FAM118A: variants seen among roughly 807,000 people sequenced by gnomAD.
The protein encoded by FAM118A is protein FAM118A.
A neutral mutation model predicts 38.2 loss-of-function variants in FAM118A; 25 were observed. That is an observed-to-expected ratio of 0.65 (90% CI 0.48 to 0.91). The LOEUF (loss-of-function observed/expected upper bound fraction) is 0.91. FAM118A is among the 40% of genes least tolerant of loss of function. The pLI is 0.00. For missense variants in FAM118A, 425 were observed against 463.3 expected (o/e 0.92, Z 0.76); for synonymous variants, 178 against 184.1 (o/e 0.97, Z 0.27).
At chr22:45,324,828 C>T (rs181514099) in intron 3 of FAM118A, among the ~76,000 whole-genome samples, 1 of 152,282 alleles carries the variant, frequency 6.6e-6, no homozygotes, top group Non-Finnish European at 1.5e-5. Flanking sequence ...AGGCAGATCA[C>T]CTGAGGTCAG....
At chr22:45,335,320 C>A in intron 6 of FAM118A, 30 bp from the exon 7 acceptor site, 1 of 1,614,046 alleles carries the variant, frequency 6.2e-7, no homozygotes. Flanking sequence ...GGTGTCTCGG[C>A]TCCACTGACT....
chr22:45,337,898 G>A, intron 8 of FAM118A: 1 of 985,402 alleles, frequency 1.0e-6, no homozygotes. Context: ...GATTCCCCCG[G>A]ACTCCACTGT....
intron 1 of FAM118A, among the ~76,000 whole-genome samples, chr22:45,313,578 C>T (rs1216143127): frequency 6.6e-6 from 1 of 152,162 alleles, no homozygotes; most frequent in Admixed American, 6.5e-5. Context: ...TCGCCTCGGC[C>T]TCCCAAAGTG....
chr22:45,327,411 A>G (rs1601938410), intron 3 of FAM118A, among the ~76,000 whole-genome samples: 2 of 150,368 alleles, frequency 1.3e-5, no homozygotes, highest in Non-Finnish European at 3.0e-5. Context: ...TCTGCTGCCG[A>G]CTCTTCCCCT....
chr22:45,313,941 C>T (rs1262062689), intron 1 of FAM118A, among the ~76,000 whole-genome samples: 1 of 152,136 alleles, frequency 6.6e-6, no homozygotes, highest in Non-Finnish European at 1.5e-5. Flanking sequence ...GCACACTGTT[C>T]CAGGCTTTGT....
chr22:45,310,895 CCTT>C (rs1187840256), intron 1 of FAM118A, among the ~76,000 whole-genome samples: 2 of 152,138 alleles, frequency 1.3e-5, no homozygotes, highest in African/African-American at 4.8e-5. Flanking sequence ...GTTGTCTCCT[CCTT>C]AATTTTTTCA....
At chr22:45,336,257 C>T in intron 7 of FAM118A, 71 bp from the exon 8 acceptor site, 2 of 1,254,754 alleles carry the variant, frequency 1.6e-6, no homozygotes, top group Admixed American at 1.9e-5. Context: ...TCAGTAAGGT[C>T]ACATTATGAA....
chr22:45,323,065 G>A (rs2084990863), intron 2 of FAM118A, 110 bp from the exon 3 acceptor site: 5 of 1,112,256 alleles, frequency 4.5e-6, no homozygotes, highest in Non-Finnish European at 6.6e-6. Context: ...GTGTGTGTGT[G>A]TGTGTGTGTG....
Position 45,330,648 on chromosome 22 carries a change from A to C in FAM118A, c.568A>C (p.Ile190Leu). Residue 190 changes from isoleucine to leucine, a missense_variant, in exon 5 of 9, where the codon ATT becomes CTT. Ile to Leu is a conservative substitution (Grantham distance 5). Coordinates refer to ENST00000441876, the MANE Select transcript of FAM118A (RefSeq NM_017911.4). ...RGHMKYGVLH[I>L]HGLYTDPCGV... ...GCACATGAAGTACGGCGTCCTCCAC[A>C]TTCACGGCCTCTACACGGACCCCTG... The C allele has an allele frequency of 6.3e-7, 1 of 1,598,902 alleles. No homozygotes were observed. The highest frequency in any genetic ancestry group is 1.1e-5 in the South Asian group (1 of 88,814).
At chr22:45,322,347 C>G in intron 1 of FAM118A, 24 bp from the exon 2 acceptor site, 1 of 1,604,896 alleles carries the variant, frequency 6.2e-7, no homozygotes, top group Non-Finnish European at 8.5e-7. Context: ...ACAGAAGTCA[C>G]TTCTGACTAA....
chr22:45,335,190 T>C, intron 6 of FAM118A, 160 bp from the exon 7 acceptor site: 1 of 684,490 alleles, frequency 1.5e-6, no homozygotes, highest in Non-Finnish European at 2.5e-6. Flanking sequence ...GAGGTAGAGG[T>C]GAGGGCAGCG....
rs368348252 is a variant in FAM118A, at chr22:45,330,735, C to T, written c.651+4C>T. 28 of 1,552,224 alleles carry T rather than the reference C, an allele frequency of 1.8e-5. No individual in the cohort carries two copies. The highest frequency in any genetic ancestry group is 2.3e-5 in the East Asian group (1 of 43,108). On this transcript the variant is annotated splice_donor_region_variant and intron_variant, in intron 5 of 8. Coordinates refer to ENST00000441876, the MANE Select transcript of FAM118A (RefSeq NM_017911.4). ...CACTCAAGACGCAGAAGTCATGGTACGGCCCGTCCTAATTAGCATCGGTGC... is the reference window on the plus strand; with the variant it reads ...CACTCAAGACGCAGAAGTCATGGTATGGCCCGTCCTAATTAGCATCGGTGC...
At chr22:45,323,055 G>T in intron 2 of FAM118A, 120 bp from the exon 3 acceptor site, 1 of 1,001,318 alleles carries the variant, frequency 1.0e-6, no homozygotes, top group Non-Finnish European at 1.5e-6. Flanking sequence ...GTGTGTGTGT[G>T]TGTGTGTGTG....
At chr22:45,337,821 C>T in intron 8 of FAM118A, 1 of 985,270 alleles carries the variant, frequency 1.0e-6, no homozygotes, top group Non-Finnish European at 1.2e-6. Flanking sequence ...TCCTGAGGGC[C>T]ATGTGTCTGC....
chr22:45,337,969 G>A (rs983632522), intron 8 of FAM118A: 1 of 906,160 alleles, frequency 1.1e-6, no homozygotes, highest in Non-Finnish European at 1.3e-6. Flanking sequence ...TGATTTGAAG[G>A]TACCCGTTGC....
At position 45,332,019 on chromosome 22, in the gene FAM118A, T is replaced by G. The variant is rs1187554629; in HGVS notation, c.652-406T>G. 2.0e-5 allele frequency among the ~76,000 whole-genome samples: 3 copies of G among 152,210 alleles called. No individual in the cohort carries two copies. The South Asian group carries it at 6.2e-4, about 32-fold the overall frequency. The stretch of plus-strand genomic sequence containing the variant: ...GTGCATAATTCTGAACTGAAAACAT[T>G]TACTGTCCTCATTTTGTGTTTTAAT... On this transcript the variant is annotated intron_variant, in intron 5 of 8. Coordinates refer to ENST00000441876, the MANE Select transcript of FAM118A (RefSeq NM_017911.4).
At chr22:45,313,252 GGGACTAGA>G (rs1325009243) in intron 1 of FAM118A, among the ~76,000 whole-genome samples, 1 of 151,814 alleles carries the variant, frequency 6.6e-6, no homozygotes, top group African/African-American at 2.4e-5. Flanking sequence ...GTGACTATGT[GGGACTAGA>G]GGACTAGAGG....
Position 45,332,421 on chromosome 22 carries a change from C to T in FAM118A, c.652-4C>T, listed in dbSNP as rs202053616. The stretch of plus-strand genomic sequence containing the variant: ...CACTCAATTTCTTCATTGGCCTTTT[C>T]TAGGAAGTCCTCCAGAACTTATACC... On this transcript the variant is annotated splice_polypyrimidine_tract_variant and splice_region_variant and intron_variant, in intron 5 of 8. Coordinates refer to ENST00000441876, the MANE Select transcript of FAM118A (RefSeq NM_017911.4). 3 of 1,605,598 alleles carry T rather than the reference C, an allele frequency of 1.9e-6. No individual in the cohort carries two copies. The African/African-American group carries it at 4.0e-5, about 22-fold the overall frequency.
rs114497224 is a variant in FAM118A at position 45,331,499 on chromosome 22, C to T, written c.651+768C>T. On this transcript the variant is annotated intron_variant, in intron 5 of 8. Coordinates refer to ENST00000441876, the MANE Select transcript of FAM118A (RefSeq NM_017911.4). ...CAAGGATCCTCCTGCCTTAGTCTCC[C>T]GAGTAGCTGGGACTGCAGGTGTGTG... Among the ~76,000 whole-genome samples, 835 of 152,230 alleles carry T rather than the reference C, an allele frequency of 5.5e-3. 5 individuals carry two copies. The highest frequency in any genetic ancestry group is 0.019 in the African/African-American group (790 of 41,512).
Sources: allele counts gnomAD v4.1 joint callset (sites outside exome capture counted in the v4.1 genomes callset), GRCh38; gene constraint gnomAD v4.1.1; transcripts MANE v1.5; gene names NCBI Gene and HGNC (gene_info 2026-07-23, HGNC 2026-07-21).